Variants in BBS9 observed in about 807,000 individuals in gnomAD.
BBS9 encodes the protein Bardet-Biedl syndrome 9.
Under a neutral mutation model 117.7 loss-of-function variants are expected in BBS9, and 89 were observed. The ratio of observed to expected loss-of-function variants is 0.76; its 90% CI spans 0.64 to 0.90. The LOEUF is 0.90. BBS9 is among the 40% of genes least tolerant of loss of function. The pLI, the probability that BBS9 is intolerant of heterozygous loss-of-function variation, is 0.00. For missense variants in BBS9, 982 were observed against 1,042.2 expected (o/e 0.94, Z 0.80); for synonymous variants, 379 against 370.9 (o/e 1.02, Z -0.25).
At chr7:33,389,464 C>T (rs1052924812) in intron 19 of BBS9, among the ~76,000 whole-genome samples, 5 of 151,868 alleles carry the variant, frequency 3.3e-5, no homozygotes, top group African/African-American at 4.8e-5. Flanking sequence ...CCTAGGCGGG[C>T]GGATCACGAG....
chr7:33,490,925 T>C (rs2128993615), intron 19 of BBS9, among the ~76,000 whole-genome samples: 1 of 152,336 alleles, frequency 6.6e-6, no homozygotes, highest in Middle Eastern at 3.4e-3. Flanking sequence ...TAGCCAGTCC[T>C]GGGTTTGAAT....
chr7:33,240,997 A>G (rs1054073722), intron 5 of BBS9, among the ~76,000 whole-genome samples: 1 of 152,150 alleles, frequency 6.6e-6, no homozygotes, highest in Non-Finnish European at 1.5e-5. Flanking sequence ...GTAGATAGCA[A>G]TAGGTGTCAA....
At chr7:33,363,860 A>C (rs1431176319) in intron 16 of BBS9, among the ~76,000 whole-genome samples, 1 of 151,866 alleles carries the variant, frequency 6.6e-6, no homozygotes, top group African/African-American at 2.4e-5. Flanking sequence ...ATTAATTTTT[A>C]ATGTTAGCCC....
Position 33,534,145 on chromosome 7 carries a change from T to C in BBS9, c.2490T>C (p.Asp830=). 1 of 1,614,218 alleles carries C rather than the reference T, an allele frequency of 6.2e-7. No individual in the cohort carries two copies. Among genetic ancestry groups the C allele is most frequent in the African/African-American group, 1.3e-5 (1 of 75,054 alleles). ...GTGGCCGTCTCTGCCTAAGTACCGATGCAGCAGCCCCACAGACCATGGTCA... is the reference window on the plus strand; with the variant it reads ...GTGGCCGTCTCTGCCTAAGTACCGACGCAGCAGCCCCACAGACCATGGTCA... The part of the protein sequence containing the change: ...SKGGRLCLST[D]AAAPQTMVMP... The change falls in exon 21 of 23, where the codon GAT becomes GAC. Residue 830 remains aspartate, a synonymous_variant. Transcript: ENST00000242067.
At chr7:33,532,472 C>T (rs1314284292) in intron 20 of BBS9, among the ~76,000 whole-genome samples, 1 of 152,142 alleles carries the variant, frequency 6.6e-6, no homozygotes, top group African/African-American at 2.4e-5. Flanking sequence ...GGGAAACTTA[C>T]AGTCATTGCA....
At chr7:33,233,005 T>C (rs1366055225) in intron 5 of BBS9, among the ~76,000 whole-genome samples, 1 of 152,156 alleles carries the variant, frequency 6.6e-6, no homozygotes, top group Non-Finnish European at 1.5e-5. Context: ...TTGAGTTTTG[T>C]AACAAGAAGC....
In BBS9 at chr7:33,454,119, C is replaced by T. The variant is rs75344586; in HGVS notation, c.2116-51344C>T. Among the ~76,000 whole-genome samples the T allele has an allele frequency of 3.3e-3, 496 of 152,222 alleles. 2 individuals carry two copies. The highest frequency in any genetic ancestry group is 0.011 in the African/African-American group (477 of 41,536). On this transcript the variant is annotated intron_variant, in intron 19 of 22. Coordinates refer to ENST00000242067, the MANE Select transcript of BBS9 (RefSeq NM_198428.3). ...CTGGGGGTGAGTGCTGCCTCTGGTCCTCCCCCATCTCCTGCCCTGCATGGG... is the reference window on the plus strand; with the variant it reads ...CTGGGGGTGAGTGCTGCCTCTGGTCTTCCCCCATCTCCTGCCCTGCATGGG...
At chr7:33,457,095 GGA>G (rs897550910) in intron 19 of BBS9, among the ~76,000 whole-genome samples, 1 of 152,144 alleles carries the variant, frequency 6.6e-6, no homozygotes, top group African/African-American at 2.4e-5. Context: ...TAGTCCTTTG[GGA>G]GAGAGATTAG....
intron 9 of BBS9, chr7:33,277,012 A>C (rs1800897942): frequency 8.3e-6 from 2 of 240,746 alleles, no homozygotes; most frequent in South Asian, 1.5e-4. Flanking sequence ...TTGGCAGGTG[A>C]TGTCCAACTG....
intron 16 of BBS9, among the ~76,000 whole-genome samples, chr7:33,360,163 A>G (rs991193570): frequency 6.6e-6 from 1 of 152,116 alleles, no homozygotes. Flanking sequence ...CGTTGTTTTT[A>G]GTTTATTAAT....
chr7:33,498,261 GA>G (rs1295372611), intron 19 of BBS9, among the ~76,000 whole-genome samples: 1 of 152,102 alleles, frequency 6.6e-6, no homozygotes, highest in Non-Finnish European at 1.5e-5. Context: ...CCTAAGTAAA[GA>G]TGCCTTTGTG....
At chr7:33,528,613 T>C (rs1041632271) in intron 20 of BBS9, among the ~76,000 whole-genome samples, 3 of 152,238 alleles carry the variant, frequency 2.0e-5, no homozygotes, top group African/African-American at 7.2e-5. Context: ...CATTTCATAG[T>C]CTCTTCCACT....
chr7:33,334,458 C>G (rs990000785), intron 9 of BBS9, among the ~76,000 whole-genome samples: 1 of 152,098 alleles, frequency 6.6e-6, no homozygotes, highest in African/African-American at 2.4e-5. Context: ...GTTCGTAGGG[C>G]TTAGTGGGGC....
intron 16 of BBS9, among the ~76,000 whole-genome samples, chr7:33,362,880 C>T (rs1220247568): frequency 2.0e-5 from 3 of 151,642 alleles, no homozygotes; most frequent in Non-Finnish European, 4.4e-5. Context: ...CAATATTGAA[C>T]ATGGTATAAT....
At chr7:33,398,111 G>T (rs1828308992) in intron 19 of BBS9, among the ~76,000 whole-genome samples, 1 of 152,158 alleles carries the variant, frequency 6.6e-6, no homozygotes, top group Non-Finnish European at 1.5e-5. Context: ...CTCTATGCCT[G>T]GTACGGCACT....
intron 5 of BBS9, among the ~76,000 whole-genome samples, chr7:33,191,473 G>C (rs975573738): frequency 3.3e-5 from 5 of 152,110 alleles, no homozygotes; most frequent in African/African-American, 1.2e-4. Flanking sequence ...CCTTGCTTTT[G>C]GTTTCACTTT....
chr7:33,368,782 A>G (rs554628054), intron 17 of BBS9, among the ~76,000 whole-genome samples: 1 of 152,164 alleles, frequency 6.6e-6, no homozygotes, highest in Non-Finnish European at 1.5e-5. Flanking sequence ...GAAAAAGAAA[A>G]GTATTAGCAG....
intron 19 of BBS9, among the ~76,000 whole-genome samples, chr7:33,417,021 G>A (rs971544381): frequency 1.3e-5 from 2 of 152,126 alleles, no homozygotes; most frequent in African/African-American, 4.8e-5. Flanking sequence ...TAATTGAAAT[G>A]GTTTCTCTCC....
At chr7:33,570,161 T>C (rs948868591) in intron 21 of BBS9, among the ~76,000 whole-genome samples, 1 of 152,132 alleles carries the variant, frequency 6.6e-6, no homozygotes, top group African/African-American at 2.4e-5. Flanking sequence ...ACAGAAGATA[T>C]AAAAATTAAA....
Sources: gnomAD v4.1 joint callset for allele counts (sites outside exome capture counted in the v4.1 genomes callset) on GRCh38, gnomAD v4.1.1 for gene constraint, MANE v1.5 for transcripts, NCBI Gene and HGNC (gene_info 2026-07-23, HGNC 2026-07-21) for gene names.